TBCK: variants seen among roughly 807,000 people sequenced by gnomAD.
The protein encoded by TBCK is TBC1 domain containing kinase, also known as TBC domain-containing protein kinase-like protein.
A neutral mutation model predicts 113.4 loss-of-function variants in TBCK; 99 were observed. That is an observed-to-expected ratio of 0.87 (90% CI 0.74 to 1.03). The LOEUF (loss-of-function observed/expected upper bound fraction) is 1.03, where lower values mean the gene tolerates loss of function less well. Ranked by LOEUF, TBCK falls within the 50% of genes least tolerant of loss-of-function variation. TBCK has a pLI of 0.00. For synonymous variants in TBCK, 369 were observed against 370.8 expected (o/e 1.00, Z 0.05); for missense variants, 1,045 against 1,061.3 (o/e 0.98, Z 0.21).
In TBCK at chr4:106,094,887, G is replaced by C. The variant is rs569886541; in HGVS notation, c.2571+595C>G. On this transcript the variant is annotated intron_variant, in intron 25 of 25. Coordinates refer to ENST00000394708, the MANE Select transcript of TBCK (RefSeq NM_001163435.3). ...ACCTTCTCTGGCTGCTTGTTTTTAA[G>C]TAAGTCCATTTGGCTCTCATACTAA... Among the ~76,000 whole-genome samples, 13 of 152,276 alleles carry C rather than the reference G, an allele frequency of 8.5e-5. No individual in the cohort carries two copies. The South Asian group carries it at 2.7e-3, about 32-fold the overall frequency.
chr4:106,120,399 A>G (rs28801785), intron 23 of TBCK, among the ~76,000 whole-genome samples: 34,907 of 151,640 alleles, frequency 0.23, 4,048 homozygotes, highest in South Asian at 0.27. Flanking sequence ...AGGGGCGCCC[A>G]CCATTGCCCA....
intron 23 of TBCK, among the ~76,000 whole-genome samples, chr4:106,135,068 T>C (rs1746397539): frequency 6.6e-6 from 1 of 152,132 alleles, no homozygotes; most frequent in South Asian, 2.1e-4. Flanking sequence ...AAATGTTGGG[T>C]AATCATTAAT....
At position 106,295,150 on chromosome 4, in the gene TBCK, C is replaced by A; in HGVS notation, c.210G>T (p.Val70=). The change falls in exon 3 of 26, where the codon GTG becomes GTT. Residue 70 remains valine (V), a synonymous_variant. Coordinates refer to ENST00000394708, the MANE Select transcript of TBCK (RefSeq NM_001163435.3). ...CCAGACTACGTTCACAATGTTCAGC[C>A]ACGACCACTAGTCGTTCTGAGAAAA... ...SRGKHERLVV[V]AEHCERSLED... 1.2e-6 allele frequency: 2 copies of A among 1,613,234 alleles called. No homozygotes were observed. Among genetic ancestry groups the A allele is most frequent in the Non-Finnish European group, 1.7e-6 (2 of 1,179,554 alleles).
intron 23 of TBCK, among the ~76,000 whole-genome samples, chr4:106,138,184 A>G (rs1746786946): frequency 7.1e-6 from 1 of 141,446 alleles, no homozygotes; most frequent in South Asian, 2.4e-4. Flanking sequence ...GCCAGTATCA[A>G]TTGCTATATA....
At chr4:106,179,862 CT>C (rs1752130282) in intron 22 of TBCK, among the ~76,000 whole-genome samples, 1 of 152,012 alleles carries the variant, frequency 6.6e-6, no homozygotes, top group Non-Finnish European at 1.5e-5. Context: ...TATTATAACA[CT>C]GCACTCAATC....
chr4:106,256,836 G>A (rs542940516), intron 5 of TBCK, among the ~76,000 whole-genome samples: 1 of 152,098 alleles, frequency 6.6e-6, no homozygotes, highest in African/African-American at 2.4e-5. Flanking sequence ...TATTTTGCCT[G>A]TTCTATATCT....
At chr4:106,314,158 T>C (rs1019583527) in intron 1 of TBCK, among the ~76,000 whole-genome samples, 5 of 152,176 alleles carry the variant, frequency 3.3e-5, no homozygotes, top group Admixed American at 6.5e-5. Flanking sequence ...ACTTTGACAA[T>C]GTACAAGTAA....
chr4:106,299,852 C>T (rs1261500080), intron 2 of TBCK, among the ~76,000 whole-genome samples: 2 of 152,028 alleles, frequency 1.3e-5, no homozygotes, highest in African/African-American at 4.8e-5. Flanking sequence ...GTAGAATATA[C>T]AATAATTGTG....
chr4:106,095,482 C>T lies in TBCK; in HGVS notation c.2571G>A (p.Glu857=). ...ATATGACATTTCTGAATATACTTAC[C>T]TCAGCTGTGTGTTTTGCCACATGCC... is the stretch of plus-strand genomic sequence containing the variant. ...IVGHVAKHTA[E]FAAHLVKMKY... The change falls in exon 25 of 26, where the codon GAG becomes GAA. Residue 857 remains glutamate, a splice_region_variant and synonymous_variant. Transcript: ENST00000394708. 1 of 1,613,094 alleles carries T rather than the reference C, an allele frequency of 6.2e-7. No homozygotes were observed. The highest frequency in any genetic ancestry group is 8.5e-7 in the Non-Finnish European group (1 of 1,179,528).
intron 25 of TBCK, among the ~76,000 whole-genome samples, chr4:106,062,576 A>G (rs1166759873): frequency 6.6e-6 from 1 of 151,940 alleles, no homozygotes; most frequent in Admixed American, 6.6e-5. Context: ...AGTTAGGACT[A>G]TGATGGATCA....
At chr4:106,256,855 C>T (rs1180559391) in intron 5 of TBCK, among the ~76,000 whole-genome samples, 2 of 152,064 alleles carry the variant, frequency 1.3e-5, no homozygotes, top group Non-Finnish European at 2.9e-5. Context: ...CTTATAAAAG[C>T]TATACATGGT....
chr4:106,246,451 A>G (rs1243721658), intron 10 of TBCK, among the ~76,000 whole-genome samples: 13 of 152,176 alleles, frequency 8.5e-5, no homozygotes, highest in Non-Finnish European at 1.5e-5. Flanking sequence ...TATTCTCTTC[A>G]ATATGCAGAA....
chr4:106,274,590 T>C (rs1189984542), intron 3 of TBCK, among the ~76,000 whole-genome samples: 1 of 152,218 alleles, frequency 6.6e-6, no homozygotes, highest in Non-Finnish European at 1.5e-5. Context: ...TCATATACTG[T>C]ATAATTCCAT....
chr4:106,218,444 G>A (rs1441423868), intron 19 of TBCK, among the ~76,000 whole-genome samples: 1 of 147,206 alleles, frequency 6.8e-6, no homozygotes, highest in Non-Finnish European at 1.5e-5. Flanking sequence ...CCTACAACAT[G>A]GGAGAAAATA....
At chr4:106,144,504 C>T (rs1217378423) in intron 23 of TBCK, among the ~76,000 whole-genome samples, 1 of 152,092 alleles carries the variant, frequency 6.6e-6, no homozygotes, top group Non-Finnish European at 1.5e-5. Context: ...TCTGTAATTG[C>T]AAAGCCCTTC....
intron 25 of TBCK, among the ~76,000 whole-genome samples, chr4:106,072,088 C>G (rs1737535485): frequency 6.6e-6 from 1 of 152,156 alleles, no homozygotes; most frequent in African/African-American, 2.4e-5. Context: ...GCATTTAGCC[C>G]ATTTACATTT....
intron 23 of TBCK, among the ~76,000 whole-genome samples, chr4:106,164,065 G>T (rs1184094204): frequency 6.6e-6 from 1 of 151,978 alleles, no homozygotes; most frequent in African/African-American, 2.4e-5. Flanking sequence ...CAAAAGATAT[G>T]ATTTTCTATA....
In TBCK at chr4:106,107,718, G is replaced by A. The variant is rs1229395114; in HGVS notation, c.2411+8485C>T. 2.0e-5 allele frequency among the ~76,000 whole-genome samples: 3 copies of A among 152,070 alleles called. No homozygotes were observed. The East Asian group carries it at 5.8e-4, about 29-fold the overall frequency. On this transcript the variant is annotated intron_variant, in intron 24 of 25. Coordinates refer to ENST00000394708, the MANE Select transcript of TBCK (RefSeq NM_001163435.3). Reference sequence around the variant, plus strand: ...AAATTAACAACCTAACTTCACAATGGAAAGAATTAGAGAAGTGAGAACAAA... The same window carrying A: ...AAATTAACAACCTAACTTCACAATGAAAAGAATTAGAGAAGTGAGAACAAA...
At chr4:106,255,517 G>C (rs770351478) in intron 5 of TBCK, among the ~76,000 whole-genome samples, 14 of 152,206 alleles carry the variant, frequency 9.2e-5, no homozygotes, top group Non-Finnish European at 1.6e-4. Context: ...GGTTGGACCA[G>C]GTGCGTTGCA....
Sources: gnomAD v4.1 joint callset for allele counts (sites outside exome capture counted in the v4.1 genomes callset) on GRCh38, gnomAD v4.1.1 for gene constraint, MANE v1.5 for transcripts, NCBI Gene and HGNC (gene_info 2026-07-23, HGNC 2026-07-21) for gene names.